Variants in LRRC66 observed in about 807,000 individuals in gnomAD.
LRRC66 encodes leucine-rich repeat-containing protein 66.
A neutral mutation model predicts 24.6 loss-of-function variants in LRRC66; 29 were observed. The ratio of observed to expected loss-of-function variants is 1.18; its 90% CI spans 0.88 to 1.61. The LOEUF is 1.61. LRRC66 is among the 40% of genes most tolerant of loss of function. LRRC66 has a pLI of 0.00. For synonymous variants in LRRC66, 411 were observed against 397.6 expected (o/e 1.03, Z -0.40); for missense variants, 1,124 against 1,058.0 (o/e 1.06, Z -0.87).
chr4:51,994,891 ACAGAGACCCCTCAT>A lies in LRRC66; in HGVS notation c.2117_2130del (p.Asp706ValfsTer16), dbSNP rs1736257051. On this transcript the variant is annotated frameshift_variant, in exon 5 of 5. Coordinates refer to ENST00000682860, the MANE Select transcript of LRRC66 (RefSeq NM_001024611.3). LOFTEE classifies it low-confidence loss of function (END_TRUNC). Reference sequence around the variant, plus strand: ...TCTGAACTTATGGAGCTCAGAGTGAACAGAGACCCCTCATCAGAGTCACAGTCACTCTCCAACTC... The same window carrying A: ...TCTGAACTTATGGAGCTCAGAGTGAACAGAGTCACAGTCACTCTCCAACTC... 6.2e-7 allele frequency: 1 copy of A among 1,614,138 alleles called. No individual in the cohort carries two copies. Among genetic ancestry groups the A allele is most frequent in the East Asian group, 2.2e-5 (1 of 44,860 alleles).
At chr4:52,014,559 A>G (rs1429348278) in intron 2 of LRRC66, among the ~76,000 whole-genome samples, 1 of 152,240 alleles carries the variant, frequency 6.6e-6, no homozygotes, top group Non-Finnish European at 1.5e-5. Flanking sequence ...GAATTGAAGA[A>G]CAAAGAAATA....
In LRRC66 at chr4:51,997,920, G is replaced by A. The variant is rs1440069137; in HGVS notation, c.684C>T (p.Asn228=). The change falls in exon 4 of 5, where the codon AAC becomes AAT. Residue 228 remains asparagine, a synonymous_variant. Transcript: ENST00000682860. ...TTGGTAGGATGGTAATCAGAGCATTGTTGCTAAGGTCTATGACCTGTTTGA... is the reference window on the plus strand; with the variant it reads ...TTGGTAGGATGGTAATCAGAGCATTATTGCTAAGGTCTATGACCTGTTTGA... The part of the protein sequence containing the change: ...LKKLQVIDLS[N]NALITILPMM... 3.1e-6 allele frequency: 5 copies of A among 1,614,016 alleles called. No homozygotes were observed. The highest frequency in any genetic ancestry group is 1.7e-4 in the Middle Eastern group (1 of 6,060).
In LRRC66 at chr4:51,995,756, G is replaced by C. The variant is rs1275067237; in HGVS notation, c.1266C>G (p.Asn422Lys). The C allele has an allele frequency of 1.2e-6, 2 of 1,613,998 alleles. No homozygotes were observed. The highest frequency in any genetic ancestry group is 1.7e-6 in the Non-Finnish European group (2 of 1,180,030). ...KSPGLDNAYS[N>K]EGFYDDMEAA... ...CTTCCATGTCATCGTAGAAGCCCTC[G>C]TTTGAATACGCGTTGTCCAGGCCAG... Residue 422 changes from asparagine (N) to lysine (K), a missense_variant, in exon 5 of 5, where the codon AAC becomes AAG. Asn to Lys is a moderately conservative substitution (Grantham distance 94). Coordinates refer to ENST00000682860, the MANE Select transcript of LRRC66 (RefSeq NM_001024611.3).
intron 3 of LRRC66, among the ~76,000 whole-genome samples, chr4:52,002,219 C>A (rs1381071836): frequency 2.0e-5 from 3 of 152,136 alleles, no homozygotes; most frequent in Non-Finnish European, 4.4e-5. Flanking sequence ...ATAACACTTA[C>A]CACTAAGAAG....
At chr4:52,005,573 G>C (rs1736557230) in intron 2 of LRRC66, among the ~76,000 whole-genome samples, 2 of 147,094 alleles carry the variant, frequency 1.4e-5, no homozygotes, top group African/African-American at 5.2e-5. Flanking sequence ...GGGCAACAAA[G>C]TGAGACTCTG....
chr4:52,006,246 G>T (rs1736581871), intron 2 of LRRC66, among the ~76,000 whole-genome samples: 1 of 152,092 alleles, frequency 6.6e-6, no homozygotes, highest in Non-Finnish European at 1.5e-5. Flanking sequence ...AAAGACACAT[G>T]CACACGTATG....
intron 4 of LRRC66, among the ~76,000 whole-genome samples, chr4:51,997,244 T>C (rs980531572): frequency 1.6e-4 from 24 of 152,226 alleles, no homozygotes; most frequent in Non-Finnish European, 3.4e-4. Flanking sequence ...TATGCTTTTG[T>C]AATATGTGTG....
rs535768161 is a variant in LRRC66 at position 51,997,658 on chromosome 4, G to A, written c.856+90C>T. On this transcript the variant is annotated intron_variant, in intron 4 of 4. Coordinates refer to ENST00000682860, the MANE Select transcript of LRRC66 (RefSeq NM_001024611.3). ...CAAGGATCAGCACTTTTGCTTTCAT[G>A]GGGACTGTCATTATTTCAAAAAGAC... is the stretch of plus-strand genomic sequence containing the variant. 1.5e-3 allele frequency: 1,815 copies of A among 1,213,564 alleles called. 7 individuals are homozygous for A. Among genetic ancestry groups the A allele is most frequent in the Non-Finnish European group, 1.3e-3 (1,095 of 842,312 alleles). 75.2% of individuals were successfully genotyped at this position (1,213,564 alleles called of 1,614,324 possible). A position where few individuals can be genotyped will look rare whatever the true frequency, so the allele number is the denominator to read the frequency against.
intron 2 of LRRC66, among the ~76,000 whole-genome samples, chr4:52,010,722 T>C (rs1456958068): frequency 1.3e-5 from 2 of 152,200 alleles, no homozygotes; most frequent in African/African-American, 4.8e-5. Context: ...GGCACCTAGG[T>C]TGATTCCATG....
chr4:52,018,135 G>T (rs1736862224), intron 1 of LRRC66: 5 of 985,240 alleles, frequency 5.1e-6, no homozygotes, highest in Admixed American at 6.1e-5. Flanking sequence ...TACTTTTCAT[G>T]ACTAGAAGAA....
intron 2 of LRRC66, among the ~76,000 whole-genome samples, chr4:52,010,515 T>C (rs1415748997): frequency 6.6e-6 from 1 of 152,216 alleles, no homozygotes; most frequent in East Asian, 1.9e-4. Flanking sequence ...CAGTGTCTAT[T>C]GTTCCCATCT....
At chr4:52,006,729 GA>G (rs67180024) in intron 2 of LRRC66, among the ~76,000 whole-genome samples, 1 of 141,908 alleles carries the variant, frequency 7.0e-6, no homozygotes. Context: ...TAATAATAAA[GA>G]AAAAAAAACA....
intron 2 of LRRC66, among the ~76,000 whole-genome samples, chr4:52,009,562 C>T (rs1227557666): frequency 6.6e-6 from 1 of 152,060 alleles, no homozygotes; most frequent in African/African-American, 2.4e-5. Context: ...GGTGGCATTA[C>T]TACAGAGTCT....
chr4:52,014,108 C>T (rs1736758843), intron 2 of LRRC66, among the ~76,000 whole-genome samples: 2 of 152,134 alleles, frequency 1.3e-5, no homozygotes, highest in African/African-American at 4.8e-5. Context: ...ACAAAATTAG[C>T]CGGGCTGGTG....
At chr4:52,004,141 T>A (rs1304345690) in intron 2 of LRRC66, among the ~76,000 whole-genome samples, 1 of 152,150 alleles carries the variant, frequency 6.6e-6, no homozygotes, top group Non-Finnish European at 1.5e-5. Context: ...TGGCTGGGAT[T>A]ACAGGCGCCT....
rs757701691 is a variant in LRRC66, at chr4:51,994,945, A to G, written c.2077T>C (p.Ser693Pro). 5.6e-6 allele frequency: 9 copies of G among 1,614,132 alleles called. No individual in the cohort carries two copies. In the East Asian group the frequency reaches 2.0e-4, roughly 36 times the overall value. ...NKEPVQKSTPSDTCCELESDC... is the reference protein window; with the variant it reads ...NKEPVQKSTPPDTCCELESDC... ...CTCTCCAACTCACAGCAAGTGTCAG[A>G]AGGAGTGGATTTCTGCACTGGTTCC... The change falls in exon 5 of 5, where the codon TCT becomes CCT. Residue 693 changes from serine (S) to proline (P), a missense_variant. Transcript: ENST00000682860.
chr4:52,011,484 T>C (rs1327186360), intron 2 of LRRC66, among the ~76,000 whole-genome samples: 1 of 152,142 alleles, frequency 6.6e-6, no homozygotes, highest in African/African-American at 2.4e-5. Context: ...CCTATATAAA[T>C]ATGAACAGAG....
chr4:52,008,983 G>GA (rs1414944162), intron 2 of LRRC66, among the ~76,000 whole-genome samples: 3 of 151,952 alleles, frequency 2.0e-5, no homozygotes, highest in Admixed American at 6.6e-5. Flanking sequence ...CAGAAGAGGG[G>GA]AAAAAATGGG....
At chr4:52,012,321 G>C (rs971485362) in intron 2 of LRRC66, among the ~76,000 whole-genome samples, 2 of 152,172 alleles carry the variant, frequency 1.3e-5, no homozygotes. Flanking sequence ...ATAATATCAA[G>C]CTGAGATTTT....
Sources: gnomAD v4.1 joint callset for allele counts (sites outside exome capture counted in the v4.1 genomes callset) on GRCh38, gnomAD v4.1.1 for gene constraint, MANE v1.5 for transcripts, NCBI Gene and HGNC (gene_info 2026-07-23, HGNC 2026-07-21) for gene names.